SSBP2: variants seen among roughly 807,000 people sequenced by gnomAD.
SSBP2 encodes the protein single-stranded DNA-binding protein 2.
Under a neutral mutation model 61.8 loss-of-function variants are expected in SSBP2, and 17 were observed. The ratio of observed to expected loss-of-function variants is 0.28; its 90% confidence interval spans 0.19 to 0.41. The LOEUF (loss-of-function observed/expected upper bound fraction) is 0.41, where lower values mean the gene tolerates loss of function less well. SSBP2 is among the 10% of genes least tolerant of loss of function. The pLI, the probability that SSBP2 is intolerant of heterozygous loss-of-function variation, is 1.00. For missense variants in SSBP2, 310 were observed against 458.7 expected (o/e 0.68, Z 2.96); for synonymous variants, 139 against 141.3 (o/e 0.98, Z 0.12).
At chr5:81,733,342 ATC>A (rs1020997127) in intron 1 of SSBP2, among the ~76,000 whole-genome samples, 1 of 152,086 alleles carries the variant, frequency 6.6e-6, no homozygotes, top group Admixed American at 6.5e-5. Context: ...AGAGATACTT[ATC>A]TCTCTAACTT....
intron 1 of SSBP2, among the ~76,000 whole-genome samples, chr5:81,698,206 T>C (rs553645259): frequency 6.6e-6 from 1 of 152,298 alleles, no homozygotes; most frequent in Admixed American, 6.5e-5. Context: ...AAAAATAATT[T>C]TAAGATTTTT....
chr5:81,493,185 A>G (rs559399962), intron 5 of SSBP2, among the ~76,000 whole-genome samples: 1 of 151,988 alleles, frequency 6.6e-6, no homozygotes, highest in South Asian at 2.1e-4. Context: ...TGTTCATTCA[A>G]AAACATATAT....
At chr5:81,441,410 C>T (rs192124921) in intron 13 of SSBP2, among the ~76,000 whole-genome samples, 5 of 152,256 alleles carry the variant, frequency 3.3e-5, no homozygotes, top group Admixed American at 3.3e-4. Flanking sequence ...GAGCCCAGTT[C>T]GAAGACAAGT....
chr5:81,736,579 G>C (rs990563513), intron 1 of SSBP2, among the ~76,000 whole-genome samples: 22 of 152,024 alleles, frequency 1.4e-4, no homozygotes, highest in Non-Finnish European at 2.9e-4. Flanking sequence ...ATATTAAAAA[G>C]TCTAAAAGAT....
chr5:81,433,431 C>G (rs1310737289), intron 15 of SSBP2, among the ~76,000 whole-genome samples: 1 of 151,944 alleles, frequency 6.6e-6, no homozygotes. Context: ...AGAGTCATCA[C>G]CACTCCTTAA....
intron 1 of SSBP2, among the ~76,000 whole-genome samples, chr5:81,673,233 C>T (rs1751722298): frequency 6.6e-6 from 1 of 152,180 alleles, no homozygotes; most frequent in African/African-American, 2.4e-5. Context: ...GTCTTGACTT[C>T]CCTAAGTCCA....
chr5:81,594,984 A>C (rs1333702787), intron 4 of SSBP2, among the ~76,000 whole-genome samples: 2 of 152,220 alleles, frequency 1.3e-5, no homozygotes, highest in Non-Finnish European at 2.9e-5. Flanking sequence ...GCAAGAAATA[A>C]CTAAGATCAG....
chr5:81,514,666 G>A (rs534028344), intron 4 of SSBP2, among the ~76,000 whole-genome samples: 1 of 152,038 alleles, frequency 6.6e-6, no homozygotes, highest in African/African-American at 2.4e-5. Flanking sequence ...TAGTGTATCT[G>A]TTGCGCTATC....
chr5:81,424,842 TG>T (rs1761853474), intron 16 of SSBP2, among the ~76,000 whole-genome samples: 1 of 152,220 alleles, frequency 6.6e-6, no homozygotes, highest in Admixed American at 6.5e-5. Flanking sequence ...ATATTCATGG[TG>T]TACTGTACTG....
chr5:81,622,200 G>T (rs556952597), intron 3 of SSBP2, among the ~76,000 whole-genome samples: 25 of 151,386 alleles, frequency 1.7e-4, no homozygotes, highest in African/African-American at 6.1e-4. Flanking sequence ...GAAGCAGACT[G>T]GGGGGGAAAA....
At chr5:81,631,735 T>TCACCAC (rs1561630193) in intron 3 of SSBP2, among the ~76,000 whole-genome samples, 1 of 152,056 alleles carries the variant, frequency 6.6e-6, no homozygotes. Context: ...ATCATCATCA[T>TCACCAC]CACCACCACC....
At chr5:81,552,782 A>C (rs1293611497) in intron 4 of SSBP2, among the ~76,000 whole-genome samples, 1 of 152,260 alleles carries the variant, frequency 6.6e-6, no homozygotes. Flanking sequence ...TTTTTAAGTT[A>C]ACCTGTGACT....
intron 3 of SSBP2, among the ~76,000 whole-genome samples, chr5:81,626,079 C>G (rs1188634286): frequency 6.6e-6 from 1 of 152,176 alleles, no homozygotes; most frequent in South Asian, 2.1e-4. Flanking sequence ...ATTCATAAGA[C>G]CAAAAACAGT....
chr5:81,653,579 T>C (rs1409583604), intron 1 of SSBP2, among the ~76,000 whole-genome samples: 1 of 152,192 alleles, frequency 6.6e-6, no homozygotes, highest in East Asian at 1.9e-4. Flanking sequence ...GTAAAAGTGT[T>C]CCTATTTCTC....
intron 15 of SSBP2, among the ~76,000 whole-genome samples, chr5:81,434,225 T>C (rs1054689449): frequency 2.0e-5 from 3 of 152,174 alleles, no homozygotes; most frequent in Non-Finnish European, 4.4e-5. Flanking sequence ...GAAAAACAAT[T>C]GAAGTAGTAC....
intron 1 of SSBP2, among the ~76,000 whole-genome samples, chr5:81,655,583 A>G (rs915073443): frequency 2.6e-5 from 4 of 152,250 alleles, no homozygotes; most frequent in African/African-American, 7.2e-5. Context: ...AATGCAAAAT[A>G]TATCTGGTAC....
At chr5:81,505,857 C>T (rs1209486158) in intron 5 of SSBP2, among the ~76,000 whole-genome samples, 4 of 152,100 alleles carry the variant, frequency 2.6e-5, no homozygotes, top group African/African-American at 9.7e-5. Flanking sequence ...CGCAGTTTGG[C>T]TAACAAATAA....
intron 2 of SSBP2, among the ~76,000 whole-genome samples, chr5:81,640,203 G>A (rs1748649211): frequency 6.6e-6 from 1 of 152,104 alleles, no homozygotes; most frequent in African/African-American, 2.4e-5. Context: ...AGCCAGGCAT[G>A]GTGGTGTGCG....
chr5:81,635,111 T>G (rs1329994243), intron 3 of SSBP2, among the ~76,000 whole-genome samples: 1 of 151,976 alleles, frequency 6.6e-6, no homozygotes, highest in African/African-American at 2.4e-5. Context: ...TAGGTTTGCA[T>G]GGAGAAACAG....
Sources: allele counts gnomAD v4.1 joint callset (sites outside exome capture counted in the v4.1 genomes callset), GRCh38; gene constraint gnomAD v4.1.1; transcripts MANE v1.5; gene names NCBI Gene and HGNC (gene_info 2026-07-23, HGNC 2026-07-21).